The following ZNF254 variants were observed in gnomAD, a reference collection of about 807,000 sequenced individuals.
ZNF254 encodes CTD-2017D11.1.
In ZNF254, 10 loss-of-function variants were observed where a neutral mutation model predicts 12.4. The ratio of observed to expected loss-of-function variants is 0.80; its 90% confidence interval spans 0.50 to 1.36. ZNF254 has a LOEUF of 1.36. ZNF254 is among the 40% of genes most tolerant of loss of function. The probability of loss-of-function intolerance (pLI) is 0.00; values close to 1 mark genes in which losing one functional copy is unlikely to be tolerated. For missense variants in ZNF254, 996 were observed against 763.9 expected, an observed-to-expected ratio of 1.30 and a Z score of -3.58; for synonymous variants, 305 against 253.4, an observed-to-expected ratio of 1.20 and a Z score of -1.93.
chr19:24,126,836 C>T lies in ZNF254; in HGVS notation c.836C>T (p.Ser279Leu), dbSNP rs748940302. 1.2e-6 allele frequency: 2 copies of T among 1,613,216 alleles called. No homozygotes were observed. Among genetic ancestry groups the T allele is most frequent in the East Asian group, 2.2e-5 (1 of 44,816 alleles). ...TGTGGTGAAGCTTTTAATCGATCCT[C>T]AAATCTTACTACACATAAGATAATT... ...EECGEAFNRSSNLTTHKIIHT... is the reference protein window; with the variant it reads ...EECGEAFNRSLNLTTHKIIHT... Residue 279 changes from serine to leucine, a missense_variant, in exon 4 of 4, where the codon TCA (serine) becomes TTA (leucine). Transcript: ENST00000357002.
intron 2 of ZNF254, among the ~76,000 whole-genome samples, chr19:24,048,080 C>T (rs985356690): frequency 1.3e-4 from 16 of 124,312 alleles, no homozygotes; most frequent in African/African-American, 4.8e-4. Context: ...CAGACTTAGT[C>T]GCCAGAGGGA....
intron 2 of ZNF254, among the ~76,000 whole-genome samples, chr19:24,077,679 A>G (rs958331913): frequency 6.6e-6 from 1 of 152,152 alleles, no homozygotes; most frequent in Non-Finnish European, 1.5e-5. Flanking sequence ...ATGGCTGTTC[A>G]TTATAGGGTG....
chr19:24,074,833 C>T (rs920734169), intron 2 of ZNF254, among the ~76,000 whole-genome samples: 1 of 152,158 alleles, frequency 6.6e-6, no homozygotes, highest in Non-Finnish European at 1.5e-5. Flanking sequence ...GTGAGCCCTA[C>T]CCACAGGGGG....
chr19:24,098,232 T>C (rs973859411), intron 1 of ZNF254, among the ~76,000 whole-genome samples: 2 of 152,220 alleles, frequency 1.3e-5, no homozygotes, highest in African/African-American at 4.8e-5. Flanking sequence ...GGCTTATTAA[T>C]TTAACCAATA....
intron 1 of ZNF254, chr19:24,104,590 T>C (rs1311775426): frequency 6.6e-6 from 1 of 151,868 alleles, no homozygotes; most frequent in African/African-American, 2.4e-5. Context: ...AAAATGCTTA[T>C]GATAGTCGAG....
At chr19:24,108,443 C>G (rs1467550665) in intron 3 of ZNF254, among the ~76,000 whole-genome samples, 1 of 152,180 alleles carries the variant, frequency 6.6e-6, no homozygotes, top group African/African-American at 2.4e-5. Context: ...TACCTTCAGT[C>G]TTGGGCTTTA....
chr19:24,119,243 G>A (rs1974317478), intron 3 of ZNF254, among the ~76,000 whole-genome samples: 1 of 151,920 alleles, frequency 6.6e-6, no homozygotes, highest in Non-Finnish European at 1.5e-5. Context: ...CCAGGCCAGA[G>A]TGCAGTGACA....
At chr19:24,075,446 G>T (rs1971624486) in intron 2 of ZNF254, among the ~76,000 whole-genome samples, 1 of 152,164 alleles carries the variant, frequency 6.6e-6, no homozygotes, top group African/African-American at 2.4e-5. Context: ...GGTCTCCGGG[G>T]TGACATCACA....
At chr19:24,116,681 C>G (rs2145911308) in intron 3 of ZNF254, among the ~76,000 whole-genome samples, 1 of 152,224 alleles carries the variant, frequency 6.6e-6, no homozygotes, top group Non-Finnish European at 1.5e-5. Context: ...CATCTGAAGG[C>G]TTCTTCTCTC....
rs552616202 is a variant in ZNF254, at chr19:24,116,369, A to G, written c.253+9726A>G. ...GGATTTGGTCTTTTCACATAGTCCC[A>G]TATTTCTTGGAGGCTTTTTTCAATT... On this transcript the variant is annotated intron_variant, in intron 3 of 3. Transcript: ENST00000357002. Among the ~76,000 whole-genome samples, 311 of 152,128 alleles carry G rather than the reference A, an allele frequency of 2.0e-3. 2 individuals are homozygous for G. The highest frequency in any genetic ancestry group is 7.3e-3 in the African/African-American group (302 of 41,502).
At position 24,128,417 on chromosome 19, in the gene ZNF254, TTAAAG is replaced by T. The variant is rs1402114146; in HGVS notation, c.*440_*444del. Reference sequence around the variant, plus strand: ...AGAAGATCTGTCAGAAAGTATGTCTTTAAAGTATAGAAGAGCATTTATTTTGAAAA... The same window carrying T: ...AGAAGATCTGTCAGAAAGTATGTCTTTATAGAAGAGCATTTATTTTGAAAA... On this transcript the variant is annotated 3_prime_UTR_variant, in exon 4 of 4. Coordinates refer to ENST00000357002, the MANE Select transcript of ZNF254 (RefSeq NM_203282.4). 2 of 155,874 alleles carry T rather than the reference TTAAAG, an allele frequency of 1.3e-5. No homozygotes were observed. The highest frequency in any genetic ancestry group is 4.8e-5 in the African/African-American group (2 of 41,538). The allele number at this position is 155,874 out of a possible 1,614,324, so 9.7% of individuals were successfully genotyped here.
At chr19:24,036,267 C>T (rs1347792771) in intron 1 of ZNF254, among the ~76,000 whole-genome samples, 4 of 151,792 alleles carry the variant, frequency 2.6e-5, no homozygotes, top group Admixed American at 6.6e-5. Context: ...GACGCGGTTT[C>T]ACCGTGGTCT....
rs1400798371 is a variant in ZNF254, at chr19:24,127,612, A to G, written c.1612A>G (p.Ile538Val). The G allele has an allele frequency of 1.9e-6, 3 of 1,608,276 alleles. No homozygotes were observed. In the Admixed American group the frequency reaches 5.1e-5, roughly 27 times the overall value. Residue 538 changes from isoleucine to valine, a missense_variant, in exon 4 of 4, where the codon ATA becomes GTA. By Grantham distance (29) the Ile-to-Val change is conservative (BLOSUM62 3). Coordinates refer to ENST00000357002, the MANE Select transcript of ZNF254 (RefSeq NM_203282.4). Reference protein sequence around the residue: ...NWSSTLTKHKIIHTEEKPYKC... With the variant: ...NWSSTLTKHKVIHTEEKPYKC... The stretch of plus-strand genomic sequence containing the variant: ...GTCCTCAACTCTTACTAAACATAAG[A>G]TAATTCATACTGAAGAGAAACCCTA...
At chr19:24,120,669 G>GTTT (rs896898240) in intron 3 of ZNF254, among the ~76,000 whole-genome samples, 5 of 151,662 alleles carry the variant, frequency 3.3e-5, no homozygotes, top group African/African-American at 1.2e-4. Flanking sequence ...TGTTGTTGTT[G>GTTT]TTGTTGTTGT....
chr19:24,117,552 G>A (rs746988506), intron 3 of ZNF254, among the ~76,000 whole-genome samples: 23 of 152,166 alleles, frequency 1.5e-4, no homozygotes, highest in African/African-American at 2.4e-4. Context: ...TCGGAAAAGC[G>A]CAGTATTAGG....
intron 2 of ZNF254, among the ~76,000 whole-genome samples, chr19:24,075,744 A>G (rs756900798): frequency 9.2e-5 from 14 of 152,236 alleles, no homozygotes; most frequent in Admixed American, 2.0e-4. Context: ...AGAATTCACC[A>G]GGCTGTAATT....
At chr19:24,038,615 G>A (rs1459942200) in intron 1 of ZNF254, among the ~76,000 whole-genome samples, 3 of 152,022 alleles carry the variant, frequency 2.0e-5, no homozygotes, top group Admixed American at 6.6e-5. Flanking sequence ...AACACATACT[G>A]TGCCCACCAT....
chr19:24,117,106 T>TG (rs1382275256), intron 3 of ZNF254, among the ~76,000 whole-genome samples: 1 of 152,136 alleles, frequency 6.6e-6, no homozygotes, highest in African/African-American at 2.4e-5. Flanking sequence ...CTGCCCCTAG[T>TG]GGGGGGTGCC....
At chr19:24,102,235 T>G (rs1254451949) in intron 1 of ZNF254, among the ~76,000 whole-genome samples, 7 of 151,804 alleles carry the variant, frequency 4.6e-5, no homozygotes, top group Non-Finnish European at 8.8e-5. Flanking sequence ...ATTTGTTTTT[T>G]TTTTTTTTTG....
Sources: allele counts gnomAD v4.1 joint callset (sites outside exome capture counted in the v4.1 genomes callset), GRCh38; gene constraint gnomAD v4.1.1; transcripts MANE v1.5; gene names NCBI Gene and HGNC (gene_info 2026-07-23, HGNC 2026-07-21).